Variants in SLC1A1 observed in about 807,000 individuals in gnomAD.
The protein encoded by SLC1A1 is solute carrier family 1 member 1.
A neutral mutation model predicts 53.3 loss-of-function variants in SLC1A1; 43 were observed. That is an observed-to-expected ratio of 0.81 (90% CI 0.63 to 1.04). SLC1A1 has a LOEUF of 1.04. SLC1A1 is among the 50% of genes least tolerant of loss of function. The probability of loss-of-function intolerance (pLI) is 0.00; values close to 1 mark genes in which losing one functional copy is unlikely to be tolerated. For missense variants in SLC1A1, 748 were observed against 664.9 expected, an observed-to-expected ratio of 1.12 and a Z score of -1.37; for synonymous variants, 307 against 243.2, an observed-to-expected ratio of 1.26 and a Z score of -2.44.
intron 1 of SLC1A1, among the ~76,000 whole-genome samples, chr9:4,496,493 T>C (rs1820427493): frequency 6.6e-6 from 1 of 152,146 alleles, no homozygotes; most frequent in Non-Finnish European, 1.5e-5. Flanking sequence ...GTGCTAGGAT[T>C]ACAAGTGCAA....
In SLC1A1 at chr9:4,572,258, C is replaced by G. The variant is rs1373031423; in HGVS notation, c.637C>G (p.Leu213Val). Residue 213 changes from leucine to valine, a missense_variant, in exon 7 of 12, where the codon CTG becomes GTG. Leu to Val is a conservative substitution (Grantham distance 32). Coordinates refer to ENST00000262352, the MANE Select transcript of SLC1A1 (RefSeq NM_004170.6). ...VGMYSDGINVLGLIVFCLVFG... is the reference protein window; with the variant it reads ...VGMYSDGINVVGLIVFCLVFG... ...CATGTATTCAGATGGCATAAACGTC[C>G]TGGGCTTGATTGTCTTTTGCCTTGT... is the stretch of plus-strand genomic sequence containing the variant. 11 of 1,613,968 alleles carry G rather than the reference C, an allele frequency of 6.8e-6. No homozygotes were observed. In the Admixed American group the frequency reaches 1.8e-4, roughly 27 times the overall value.
At chr9:4,550,886 G>C (rs930924770) in intron 2 of SLC1A1, among the ~76,000 whole-genome samples, 2 of 152,164 alleles carry the variant, frequency 1.3e-5, no homozygotes, top group Admixed American at 1.3e-4. Context: ...ACCCAACTCT[G>C]TTTGTCATGG....
chr9:4,555,810 G>GC (rs1158663734), intron 2 of SLC1A1, among the ~76,000 whole-genome samples: 2 of 152,178 alleles, frequency 1.3e-5, no homozygotes, highest in Non-Finnish European at 2.9e-5. Flanking sequence ...TCCTCTGAAA[G>GC]CCCACAGTAA....
At chr9:4,571,883 T>C (rs1029103630) in intron 6 of SLC1A1, among the ~76,000 whole-genome samples, 3 of 152,110 alleles carry the variant, frequency 2.0e-5, no homozygotes. Context: ...GCAGTTAAAA[T>C]GACCCTGAAA....
At position 4,522,212 on chromosome 9, in the gene SLC1A1, C is replaced by T. The variant is rs540298460; in HGVS notation, c.92-22355C>T. 1.1e-4 allele frequency among the ~76,000 whole-genome samples: 16 copies of T among 151,846 alleles called. No homozygotes were observed. In the South Asian group the frequency reaches 2.1e-3, roughly 20 times the overall value. ...GACTACAGGCGCCCACCACCACGCC[C>T]GGCTAATTTTTTGTATTTTCTGTAG... On this transcript the variant is annotated intron_variant, in intron 1 of 11. Coordinates refer to ENST00000262352, the MANE Select transcript of SLC1A1 (RefSeq NM_004170.6).
At chr9:4,545,981 T>A (rs2130881596) in intron 2 of SLC1A1, among the ~76,000 whole-genome samples, 1 of 152,164 alleles carries the variant, frequency 6.6e-6, no homozygotes, top group Admixed American at 6.5e-5. Flanking sequence ...TCGTGACATG[T>A]CCCCTTCTAG....
chr9:4,551,481 G>T (rs1166981677), intron 2 of SLC1A1, among the ~76,000 whole-genome samples: 1 of 152,190 alleles, frequency 6.6e-6, no homozygotes, highest in East Asian at 1.9e-4. Context: ...AGCAAGAATT[G>T]CAAGACTTGA....
At position 4,490,630 on chromosome 9, in the gene SLC1A1, C is replaced by T. The variant is rs750896366; in HGVS notation, c.-50C>T. 1.3e-6 allele frequency: 2 copies of T among 1,527,988 alleles called. No homozygotes were observed. Among genetic ancestry groups the T allele is most frequent in the East Asian group, 2.3e-5 (1 of 43,846 alleles). 94.7% of individuals were successfully genotyped at this position (1,527,988 alleles called of 1,614,324 possible). On this transcript the variant is annotated 5_prime_UTR_variant, in exon 1 of 12. Transcript: ENST00000262352. ...GAGCAGCCAGCAGTCCCCGGGTCGC[C>T]CAGCCCACGCGCGCACGGCCGAGCC...
At chr9:4,584,703 TCTC>T (rs1821427853) in intron 11 of SLC1A1, among the ~76,000 whole-genome samples, 1 of 152,130 alleles carries the variant, frequency 6.6e-6, no homozygotes, top group African/African-American at 2.4e-5. Flanking sequence ...TTCCCCAGGC[TCTC>T]TGGAAATTAA....
At position 4,576,780 on chromosome 9, in the gene SLC1A1, C is replaced by T. The variant is rs1820584732; in HGVS notation, c.1193+17C>T. 1.2e-6 allele frequency: 2 copies of T among 1,606,046 alleles called. No homozygotes were observed. Among genetic ancestry groups the T allele is most frequent in the East Asian group, 2.2e-5 (1 of 44,816 alleles). ...CACCATCAGGTGGGGCATGGTGTCA[C>T]ATTCATTGTCATCACTGATACAGGG... On this transcript the variant is annotated intron_variant, in intron 10 of 11. Transcript: ENST00000262352.
At chr9:4,519,717 G>A (rs1371727147) in intron 1 of SLC1A1, among the ~76,000 whole-genome samples, 1 of 152,190 alleles carries the variant, frequency 6.6e-6, no homozygotes, top group Non-Finnish European at 1.5e-5. Flanking sequence ...CAGAGGCTTA[G>A]AGGGATTCAG....
chr9:4,536,064 A>C (rs1282892727), intron 1 of SLC1A1, among the ~76,000 whole-genome samples: 1 of 152,196 alleles, frequency 6.6e-6, no homozygotes, highest in Non-Finnish European at 1.5e-5. Flanking sequence ...GAAAGACTTA[A>C]ATGTTAGACC....
intron 1 of SLC1A1, among the ~76,000 whole-genome samples, chr9:4,524,345 T>C (rs185754920): frequency 9.8e-5 from 15 of 152,324 alleles, no homozygotes; most frequent in Admixed American, 9.2e-4. Context: ...CTAATATGAA[T>C]TGGTTCTCCC....
In SLC1A1 at chr9:4,583,884, A is replaced by ACT. The variant is rs1403955757; in HGVS notation, c.1328+713_1328+714insTC. Among the ~76,000 whole-genome samples the ACT allele has an allele frequency of 0.055, 2,033 of 36,736 alleles. 38 individuals carry two copies. The highest frequency in any genetic ancestry group is 0.17 in the South Asian group (144 of 844). 24.1% of individuals were successfully genotyped at this position (36,736 alleles called of 152,430 possible). On this transcript the variant is annotated intron_variant, in intron 11 of 11. Transcript: ENST00000262352. The surrounding 1 kb of genome is among the most constrained non-coding windows in gnomAD (Gnocchi z 4.6). ...CTCTCTCTCTCTCTCTCTCTCTCTCACACACACACACACACACACACACAC... is the reference window on the plus strand; with the variant it reads ...CTCTCTCTCTCTCTCTCTCTCTCTCACTCACACACACACACACACACACACAC...
At chr9:4,553,139 G>A (rs1489377997) in intron 2 of SLC1A1, among the ~76,000 whole-genome samples, 1 of 152,116 alleles carries the variant, frequency 6.6e-6, no homozygotes, top group African/African-American at 2.4e-5. Flanking sequence ...GCTAGCTGCT[G>A]CTGTCAGAGC....
chr9:4,506,812 A>C (rs1820824482), intron 1 of SLC1A1, among the ~76,000 whole-genome samples: 1 of 152,194 alleles, frequency 6.6e-6, no homozygotes, highest in East Asian at 1.9e-4. Context: ...TGGAGTATGC[A>C]GCCAGTAATT....
At chr9:4,569,409 C>T (rs1285511131) in intron 6 of SLC1A1, among the ~76,000 whole-genome samples, 3 of 152,184 alleles carry the variant, frequency 2.0e-5, no homozygotes, top group Non-Finnish European at 4.4e-5. Context: ...GTAGCCTCAT[C>T]TCAGTTTAGG....
intron 2 of SLC1A1, among the ~76,000 whole-genome samples, chr9:4,554,956 G>T (rs1344622610): frequency 6.6e-6 from 1 of 152,224 alleles, no homozygotes; most frequent in Non-Finnish European, 1.5e-5. Flanking sequence ...TGTGTTCTGG[G>T]CACTGTACTA....
chr9:4,526,894 G>C (rs1206615222), intron 1 of SLC1A1, among the ~76,000 whole-genome samples: 1 of 151,918 alleles, frequency 6.6e-6, no homozygotes, highest in Admixed American at 6.6e-5. Flanking sequence ...GATATGATGG[G>C]ATTTCACATT....
Sources: gnomAD v4.1 joint callset for allele counts (sites outside exome capture counted in the v4.1 genomes callset) on GRCh38, gnomAD v4.1.1 for gene constraint, Gnocchi (gnomAD v3.1) non-coding constraint, MANE v1.5 for transcripts, NCBI Gene and HGNC (gene_info 2026-07-23, HGNC 2026-07-21) for gene names.